Variants in EEIG1 observed in about 807,000 individuals in gnomAD.
EEIG1 encodes estrogen-induced osteoclastogenesis regulator 1, also known as early estrogen-induced gene 1 protein.
At chr9:127,960,285 A>G in the EEIG1 span, among the ~76,000 whole-genome samples, 3 of 152,136 alleles carry the variant, frequency 2.0e-5, no homozygotes, top group African/African-American at 4.8e-5. Context: ...CAGGTAGAAA[A>G]CTAGTGCAGA....
At chr9:127,946,197 A>T in the EEIG1 span, among the ~76,000 whole-genome samples, 1 of 152,218 alleles carries the variant, frequency 6.6e-6, no homozygotes, top group Non-Finnish European at 1.5e-5. Context: ...CCAGGCACAG[A>T]GAACAGCATC....
At chr9:127,948,410 G>A in the EEIG1 span, 11 of 1,614,002 alleles carry the variant, frequency 6.8e-6, no homozygotes, top group African/African-American at 2.7e-5. Context: ...CATACCAATG[G>A]TGACCTGTGG....
At chr9:127,948,024 C>A in the EEIG1 span, 1 of 1,574,874 alleles carries the variant, frequency 6.3e-7, no homozygotes, top group East Asian at 2.2e-5. Context: ...GGAGGTAAAC[C>A]CCTCGGGCCG....
chr9:127,950,547 G>A, the EEIG1 span: 2 of 1,613,470 alleles, frequency 1.2e-6, no homozygotes, highest in African/African-American at 2.7e-5. Flanking sequence ...CAGCTAGGAG[G>A]TGAGAGGAGC....
At chr9:127,973,455 C>A in the EEIG1 span, among the ~76,000 whole-genome samples, 4 of 152,336 alleles carry the variant, frequency 2.6e-5, no homozygotes, top group East Asian at 7.7e-4. The surrounding 1 kb of genome is among the most constrained non-coding windows in gnomAD (Gnocchi z 4.2). Flanking sequence ...AAGGAACAGG[C>A]CTCAGGAAAT....
the EEIG1 span, among the ~76,000 whole-genome samples, chr9:127,975,279 C>T: frequency 2.6e-5 from 4 of 152,342 alleles, no homozygotes; most frequent in South Asian, 2.1e-4. Context: ...CCATCCCAGC[C>T]GTGCCATGGA....
At chr9:127,963,924 C>A in the EEIG1 span, among the ~76,000 whole-genome samples, 1 of 152,184 alleles carries the variant, frequency 6.6e-6, no homozygotes, top group Non-Finnish European at 1.5e-5. Flanking sequence ...GTGAACAGAG[C>A]AGGCTGGGGG....
the EEIG1 span, among the ~76,000 whole-genome samples, chr9:127,967,706 T>C: frequency 2.0e-5 from 3 of 152,236 alleles, no homozygotes; most frequent in Non-Finnish European, 4.4e-5. Context: ...AAGCAGAGAC[T>C]GGGGCTCAAA....
the EEIG1 span, among the ~76,000 whole-genome samples, chr9:127,959,772 CTG>C: frequency 3.9e-5 from 6 of 152,196 alleles, no homozygotes; most frequent in Admixed American, 2.0e-4. Flanking sequence ...CCATGTGGGA[CTG>C]TGAGTCAATT....
At chr9:127,969,678 G>C in the EEIG1 span, among the ~76,000 whole-genome samples, 1 of 152,094 alleles carries the variant, frequency 6.6e-6, no homozygotes, top group East Asian at 1.9e-4. Flanking sequence ...TTTGCAAGAG[G>C]CAGAAGGAAA....
At chr9:127,943,092 G>T in the EEIG1 span, 1 of 1,078,780 alleles carries the variant, frequency 9.3e-7, no homozygotes, top group Non-Finnish European at 1.4e-6. Flanking sequence ...TGGATGAGAT[G>T]TGGCGCAGAG....
the EEIG1 span, among the ~76,000 whole-genome samples, chr9:127,973,241 C>T: frequency 2.0e-5 from 3 of 152,162 alleles, no homozygotes; most frequent in African/African-American, 4.8e-5. The surrounding 1 kb of genome is among the most constrained non-coding windows in gnomAD (Gnocchi z 4.2). Flanking sequence ...GCTCCTGACC[C>T]CTTAGCAGAC....
the EEIG1 span, chr9:127,942,789 G>C: frequency 3.9e-6 from 1 of 259,660 alleles, no homozygotes; most frequent in South Asian, 4.3e-5. Flanking sequence ...GAGTGAGTGG[G>C]GACACAGGTA....
the EEIG1 span, among the ~76,000 whole-genome samples, chr9:127,976,697 G>A: frequency 1.1e-4 from 17 of 152,322 alleles, no homozygotes; most frequent in African/African-American, 3.1e-4. This position sits in a 1 kb window ranked among gnomAD's most constrained non-coding sequence, Gnocchi z 4.1. Flanking sequence ...TGGGTCAGGC[G>A]AGCGGTGTAC....
At chr9:127,955,094 C>T in the EEIG1 span, among the ~76,000 whole-genome samples, 1 of 152,202 alleles carries the variant, frequency 6.6e-6, no homozygotes, top group African/African-American at 2.4e-5. Context: ...AGGGAGGAGA[C>T]AGTGTGAGAG....
the EEIG1 span, among the ~76,000 whole-genome samples, chr9:127,958,186 T>C: frequency 2.6e-5 from 4 of 152,138 alleles, no homozygotes; most frequent in African/African-American, 9.7e-5. Context: ...GGCTATCTCA[T>C]GCTATATACA....
the EEIG1 span, chr9:127,948,130 C>T: frequency 4.1e-5 from 66 of 1,613,588 alleles, no homozygotes; most frequent in Non-Finnish European, 5.4e-5. Context: ...GGAGTTGGTG[C>T]TGCTGCCCCC....
the EEIG1 span, among the ~76,000 whole-genome samples, chr9:127,969,320 G>C: frequency 6.6e-6 from 1 of 152,186 alleles, no homozygotes; most frequent in African/African-American, 2.4e-5. Context: ...AATCACAAAT[G>C]TTTGCTGGAT....
At chr9:127,965,755 C>A in the EEIG1 span, among the ~76,000 whole-genome samples, 1 of 152,254 alleles carries the variant, frequency 6.6e-6, no homozygotes. Context: ...CCTTGTGCTT[C>A]CCCGAAGAGA....
Sources: gnomAD v4.1 joint callset for allele counts (sites outside exome capture counted in the v4.1 genomes callset) on GRCh38, gnomAD v4.1.1 for gene constraint, Gnocchi (gnomAD v3.1) non-coding constraint, MANE v1.5 for transcripts, NCBI Gene and HGNC (gene_info 2026-07-23, HGNC 2026-07-21) for gene names.